Variants in CTNNA2 observed in about 807,000 individuals in gnomAD.
CTNNA2 encodes the protein catenin alpha 2, also known as catenin alpha-2.
Under a neutral mutation model 101.0 loss-of-function variants are expected in CTNNA2, and 42 were observed. The observed-to-expected ratio is 0.42, with a 90% CI of 0.32 to 0.54. The LOEUF (loss-of-function observed/expected upper bound fraction) is 0.54, where lower values mean the gene tolerates loss of function less well. Ranked by LOEUF, CTNNA2 falls within the 20% of genes least tolerant of loss-of-function variation. The pLI is 0.14. For synonymous variants in CTNNA2, 450 were observed against 456.4 expected, an observed-to-expected ratio of 0.99 and a Z score of 0.18; for missense variants, 871 against 1,223.1, an observed-to-expected ratio of 0.71 and a Z score of 4.29.
Position 79,376,104 on chromosome 2 carries a change from C to T in CTNNA2, c.-135+2091C>T, listed in dbSNP as rs781128211. On this transcript the variant is annotated intron_variant, in intron 4 of 21. Coordinates refer to the CTNNA2 transcript ENST00000466387. Reference sequence around the variant, plus strand: ...CAGGAGAAAGCTGCATGTAGAAGGACGCTTGAGTTAAGCAGAAGATGGTAG... The same window carrying T: ...CAGGAGAAAGCTGCATGTAGAAGGATGCTTGAGTTAAGCAGAAGATGGTAG... Among the ~76,000 whole-genome samples the T allele has an allele frequency of 3.0e-4, 45 of 152,018 alleles. 1 individual carries two copies. The highest frequency in any genetic ancestry group is 6.2e-4 in the South Asian group (3 of 4,816).
At chr2:80,412,423 C>T (rs2149396065) in intron 8 of CTNNA2, among the ~76,000 whole-genome samples, 1 of 152,228 alleles carries the variant, frequency 6.6e-6, no homozygotes, top group South Asian at 2.1e-4. Context: ...TTACACACAG[C>T]CCATGGCTAT....
intron 7 of CTNNA2, among the ~76,000 whole-genome samples, chr2:80,078,575 C>G (rs1459378278): frequency 1.3e-5 from 2 of 152,090 alleles, no homozygotes; most frequent in Non-Finnish European, 2.9e-5. Context: ...GCAGATGTCG[C>G]TATGATCAGA....
intron 7 of CTNNA2, among the ~76,000 whole-genome samples, chr2:80,140,241 G>A (rs1322270194): frequency 1.3e-5 from 2 of 152,138 alleles, no homozygotes; most frequent in Non-Finnish European, 2.9e-5. Context: ...AGTTAGTGTG[G>A]AGGTGATACC....
intron 3 of CTNNA2, among the ~76,000 whole-genome samples, chr2:79,813,488 G>A (rs994264139): frequency 1.3e-5 from 2 of 152,156 alleles, no homozygotes; most frequent in Non-Finnish European, 2.9e-5. Context: ...TCAGAGTTGA[G>A]GTTGAACAGA....
intron 7 of CTNNA2, among the ~76,000 whole-genome samples, chr2:80,034,236 T>C (rs1695500075): frequency 6.6e-6 from 1 of 151,156 alleles, no homozygotes; most frequent in Non-Finnish European, 1.5e-5. Context: ...TTGGAAATCA[T>C]GAAGAAAAAA....
chr2:79,668,349 G>T (rs1682590402), intron 2 of CTNNA2, among the ~76,000 whole-genome samples: 1 of 151,374 alleles, frequency 6.6e-6, no homozygotes, highest in African/African-American at 2.4e-5. Context: ...TAGCCAGGTG[G>T]ATTTTTTGTG....
chr2:79,762,516 T>C (rs920087258), intron 3 of CTNNA2, among the ~76,000 whole-genome samples: 1 of 152,116 alleles, frequency 6.6e-6, no homozygotes, highest in African/African-American at 2.4e-5. Flanking sequence ...TGTTTTCAAT[T>C]CTGGGTCAGA....
At chr2:79,255,526 G>A (rs1328317946) in intron 2 of CTNNA2, among the ~76,000 whole-genome samples, 1 of 152,190 alleles carries the variant, frequency 6.6e-6, no homozygotes, top group East Asian at 1.9e-4. Context: ...TGAGGCATGT[G>A]TATATTGGGT....
intron 2 of CTNNA2, among the ~76,000 whole-genome samples, chr2:79,234,728 T>C (rs1400805855): frequency 3.3e-5 from 5 of 152,220 alleles, no homozygotes; most frequent in African/African-American, 1.2e-4. Flanking sequence ...GTTCATTTTG[T>C]AAAATTCTTT....
intron 7 of CTNNA2, among the ~76,000 whole-genome samples, chr2:80,183,145 T>C (rs1294317919): frequency 6.6e-6 from 1 of 152,152 alleles, no homozygotes; most frequent in Non-Finnish European, 1.5e-5. Flanking sequence ...TAAATGTCAA[T>C]AGATCCCCCC....
intron 18 of CTNNA2, among the ~76,000 whole-genome samples, chr2:80,637,126 G>A (rs1672967967): frequency 1.3e-5 from 2 of 152,162 alleles, no homozygotes; most frequent in South Asian, 4.2e-4. Context: ...TGAAGATGTA[G>A]GAAAAGAGAA....
At chr2:80,208,736 T>C (rs1707693779) in intron 7 of CTNNA2, among the ~76,000 whole-genome samples, 1 of 152,232 alleles carries the variant, frequency 6.6e-6, no homozygotes, top group South Asian at 2.1e-4. Context: ...TAAAATATTT[T>C]AGCCCATCCA....
chr2:79,436,864 C>A (rs10451663), intron 4 of CTNNA2, among the ~76,000 whole-genome samples: 1 of 152,132 alleles, frequency 6.6e-6, no homozygotes, highest in Non-Finnish European at 1.5e-5. Context: ...ATCTCCTGAC[C>A]TTGTGATCCA....
At chr2:79,608,002 A>T (rs965076602) in intron 1 of CTNNA2, among the ~76,000 whole-genome samples, 2 of 152,022 alleles carry the variant, frequency 1.3e-5, no homozygotes, top group African/African-American at 4.8e-5. Flanking sequence ...AAATCTGATA[A>T]ATTTAGTAAG....
intron 3 of CTNNA2, among the ~76,000 whole-genome samples, chr2:79,771,547 G>T (rs1673580985): frequency 6.6e-6 from 1 of 152,196 alleles, no homozygotes; most frequent in Non-Finnish European, 1.5e-5. Flanking sequence ...TGGGGGTGAT[G>T]GGAGACAGTG....
intron 4 of CTNNA2, among the ~76,000 whole-genome samples, chr2:79,501,428 C>T (rs1671318367): frequency 6.6e-6 from 1 of 152,288 alleles, no homozygotes; most frequent in Middle Eastern, 3.4e-3. Flanking sequence ...CTGCATTCAG[C>T]TTATCTGTTG....
chr2:79,286,456 C>A (rs1162632817), intron 2 of CTNNA2, among the ~76,000 whole-genome samples: 2 of 151,834 alleles, frequency 1.3e-5, no homozygotes, highest in African/African-American at 4.8e-5. Flanking sequence ...CTGGTGGTGA[C>A]AAAATCTCTC....
chr2:80,589,181 A>C (rs1375176881), intron 14 of CTNNA2, 123 bp from the exon 15 acceptor site: 1 of 948,582 alleles, frequency 1.1e-6, no homozygotes, highest in African/African-American at 1.7e-5. Context: ...TGCTTTCCGG[A>C]ATGGCAGGGT....
intron 7 of CTNNA2, among the ~76,000 whole-genome samples, chr2:80,130,168 A>C (rs1702338957): frequency 6.6e-6 from 1 of 152,164 alleles, no homozygotes; most frequent in Non-Finnish European, 1.5e-5. Flanking sequence ...TGTTCTAGTC[A>C]AGCTCTGCTG....
Sources: gnomAD v4.1 joint callset for allele counts (sites outside exome capture counted in the v4.1 genomes callset) on GRCh38, gnomAD v4.1.1 for gene constraint, MANE v1.5 for transcripts, NCBI Gene and HGNC (gene_info 2026-07-23, HGNC 2026-07-21) for gene names.